Variants in METTL15 observed in about 807,000 individuals in gnomAD.
METTL15 encodes the protein methyltransferase 15, mitochondrial 12S rRNA N4-cytidine.
METTL15 carries 34 observed loss-of-function variants against 38.3 expected under a neutral mutation model. The ratio of observed to expected loss-of-function variants is 0.89; its 90% CI spans 0.68 to 1.18. The LOEUF is 1.18. METTL15 is among the 50% of genes most tolerant of loss of function. The pLI is 0.00. For missense variants in METTL15, 438 were observed against 498.4 expected (o/e 0.88, Z 1.15); for synonymous variants, 162 against 170.9 (o/e 0.95, Z 0.41).
At chr11:28,351,090 A>G (rs558839262) in intron 3 of METTL15, among the ~76,000 whole-genome samples, 6 of 147,852 alleles carry the variant, frequency 4.1e-5, no homozygotes, top group African/African-American at 1.5e-4. Context: ...TTTGAGATAG[A>G]CTGCTTAAAG....
intron 4 of METTL15, among the ~76,000 whole-genome samples, chr11:28,244,999 C>G (rs2133911843): frequency 6.6e-6 from 1 of 152,250 alleles, no homozygotes; most frequent in Non-Finnish European, 1.5e-5. Context: ...CAAAGCAGAG[C>G]AGGAAAAGGA....
intron 3 of METTL15, among the ~76,000 whole-genome samples, chr11:28,193,668 C>G (rs1851783737): frequency 6.6e-6 from 1 of 152,070 alleles, no homozygotes; most frequent in South Asian, 2.1e-4. Context: ...AAATTGACAT[C>G]TCCAAAGGTT....
intron 5 of METTL15, among the ~76,000 whole-genome samples, chr11:28,397,113 TG>T (rs1158739419): frequency 5.3e-5 from 8 of 152,194 alleles, no homozygotes; most frequent in Middle Eastern, 3.4e-3. Context: ...AAGACTTAAA[TG>T]TTAGACCTAA....
intron 3 of METTL15, among the ~76,000 whole-genome samples, chr11:28,203,817 A>G (rs1852205790): frequency 6.6e-6 from 1 of 152,098 alleles, no homozygotes; most frequent in African/African-American, 2.4e-5. Context: ...TTTCAAATGT[A>G]AAGGAGAGTG....
At position 28,310,130 on chromosome 11, in the gene METTL15, A is replaced by C. The variant is rs1188876942; in HGVS notation, c.778+13199A>C. The stretch of plus-strand genomic sequence containing the variant: ...TTACTCCAGAAGCAACTAATTGGAG[A>C]GTCATGTAAATTAAATACTTCTCTC... On this transcript the variant is annotated intron_variant, in intron 6 of 6. Transcript: ENST00000407364. Among the ~76,000 whole-genome samples, 3 of 152,124 alleles carry C rather than the reference A, an allele frequency of 2.0e-5. No homozygotes were observed. In the East Asian group the frequency reaches 5.8e-4, roughly 29 times the overall value.
chr11:28,252,322 CAGATTTCAA>C (rs1284510619), intron 4 of METTL15, among the ~76,000 whole-genome samples: 1 of 152,082 alleles, frequency 6.6e-6, no homozygotes, highest in Non-Finnish European at 1.5e-5. Flanking sequence ...GAAGGCATCA[CAGATTTCAA>C]AGAACATTTA....
chr11:28,132,487 G>A (rs1482783030), intron 3 of METTL15, among the ~76,000 whole-genome samples: 1 of 149,550 alleles, frequency 6.7e-6, no homozygotes, highest in African/African-American at 2.4e-5. Flanking sequence ...TAAACTGGTT[G>A]AAAATAATTT....
At chr11:28,475,223 C>A (rs1188963988) in intron 6 of METTL15, among the ~76,000 whole-genome samples, 2 of 152,162 alleles carry the variant, frequency 1.3e-5, no homozygotes, top group Non-Finnish European at 2.9e-5. Context: ...TGAGTGGAAA[C>A]CATGAAGCTA....
chr11:28,369,657 C>A (rs1442164457), intron 5 of METTL15, among the ~76,000 whole-genome samples: 1 of 152,098 alleles, frequency 6.6e-6, no homozygotes, highest in Non-Finnish European at 1.5e-5. Context: ...AAGAAAACAA[C>A]CTGCCACACA....
intron 3 of METTL15, among the ~76,000 whole-genome samples, chr11:28,177,778 G>T (rs1375693027): frequency 2.6e-5 from 4 of 151,814 alleles, no homozygotes; most frequent in Admixed American, 2.6e-4. Flanking sequence ...GTTTTTTTGG[G>T]TCCTTAGCAG....
At chr11:28,316,710 A>T (rs895038797) in intron 6 of METTL15, among the ~76,000 whole-genome samples, 13 of 152,188 alleles carry the variant, frequency 8.5e-5, no homozygotes, top group African/African-American at 3.1e-4. Flanking sequence ...CTGGTGGAAG[A>T]TGACTGAATT....
intron 5 of METTL15, among the ~76,000 whole-genome samples, chr11:28,291,927 T>A (rs1053813122): frequency 6.6e-6 from 1 of 152,102 alleles, no homozygotes; most frequent in African/African-American, 2.4e-5. Context: ...GAATTTAAAA[T>A]TAATACCTAA....
chr11:28,451,910 T>G lies in METTL15; in HGVS notation c.*424+27546T>G, dbSNP rs558541593. On this transcript the variant is annotated intron_variant and NMD_transcript_variant, in intron 6 of 7. Transcript: ENST00000532947. ...TCTTGGTTTTGGTTTATTTGTTTGT[T>G]CTTCCAAACTCCCATCTGCCCCCAT... 2.6e-5 allele frequency among the ~76,000 whole-genome samples: 4 copies of G among 152,320 alleles called. No individual in the cohort carries two copies. In the South Asian group the frequency reaches 8.3e-4, roughly 32 times the overall value.
At chr11:28,369,113 G>A (rs140401829) in intron 5 of METTL15, among the ~76,000 whole-genome samples, 1 of 152,074 alleles carries the variant, frequency 6.6e-6, no homozygotes, top group Non-Finnish European at 1.5e-5. Flanking sequence ...TAGCAAAACA[G>A]CACATTCTGC....
chr11:28,497,222 CCTT>C (rs1477352693), intron 6 of METTL15, among the ~76,000 whole-genome samples: 1 of 152,198 alleles, frequency 6.6e-6, no homozygotes, highest in Non-Finnish European at 1.5e-5. Flanking sequence ...CTACAAGAAA[CCTT>C]CTCCTGTTGA....
intron 4 of METTL15, among the ~76,000 whole-genome samples, chr11:28,257,789 G>A (rs778979715): frequency 2.0e-5 from 3 of 152,032 alleles, no homozygotes; most frequent in African/African-American, 7.2e-5. Context: ...AATTCCTTCT[G>A]TGTGTTATCT....
At position 28,113,565 on chromosome 11, in the gene METTL15, GGAT is replaced by G. The variant is rs761966064; in HGVS notation, c.234_236del (p.Asp78del). The G allele has an allele frequency of 6.2e-7, 1 of 1,612,274 alleles. No individual in the cohort carries two copies. Among genetic ancestry groups the G allele is most frequent in the East Asian group, 2.2e-5 (1 of 44,826 alleles). ...CTAAATTACATATTCCAGTAATGGTGGATGAAGTTGTTCATTGTTTGTCACCAC... is the reference window on the plus strand; with the variant it reads ...CTAAATTACATATTCCAGTAATGGTGGAAGTTGTTCATTGTTTGTCACCAC... On this transcript the variant is annotated inframe_deletion, in exon 3 of 7. Coordinates refer to ENST00000407364, the MANE Select transcript of METTL15 (RefSeq NM_001113528.2).
chr11:28,468,878 G>A (rs1223457891), intron 6 of METTL15, among the ~76,000 whole-genome samples: 1 of 152,160 alleles, frequency 6.6e-6, no homozygotes, highest in Admixed American at 6.5e-5. Context: ...GTGGCACTCA[G>A]TTGGAGCTCT....
intron 3 of METTL15, among the ~76,000 whole-genome samples, chr11:28,142,812 A>G (rs1849744826): frequency 6.6e-6 from 1 of 152,174 alleles, no homozygotes; most frequent in Non-Finnish European, 1.5e-5. Flanking sequence ...TATTTTGTAA[A>G]GAACATTCAG....
Sources: allele counts gnomAD v4.1 joint callset (sites outside exome capture counted in the v4.1 genomes callset), GRCh38; gene constraint gnomAD v4.1.1; transcripts MANE v1.5; gene names NCBI Gene and HGNC (gene_info 2026-07-23, HGNC 2026-07-21).